The following THRB variants were observed in gnomAD, a reference collection of about 807,000 sequenced individuals.
The protein encoded by THRB is nuclear receptor subfamily 1 group A member 2.
A neutral mutation model predicts 47.8 loss-of-function variants in THRB; 12 were observed. The ratio of observed to expected loss-of-function variants is 0.25; its 90% CI spans 0.16 to 0.41. The LOEUF (loss-of-function observed/expected upper bound fraction) is 0.41. Ranked by LOEUF, THRB falls within the 10% of genes least tolerant of loss-of-function variation. The probability of loss-of-function intolerance (pLI) is 1.00; values close to 1 mark genes in which losing one functional copy is unlikely to be tolerated. For synonymous variants in THRB, 218 were observed against 212.2 expected (o/e 1.03, Z -0.24); for missense variants, 348 against 589.2 (o/e 0.59, Z 4.24).
intron 1 of THRB, among the ~76,000 whole-genome samples, chr3:24,467,067 A>G (rs1259707924): frequency 6.6e-6 from 1 of 152,230 alleles, no homozygotes; most frequent in South Asian, 2.1e-4. Context: ...AACTAAGTTT[A>G]TGGAATATTC....
At chr3:24,199,580 T>C (rs906721813) in intron 4 of THRB, among the ~76,000 whole-genome samples, 1 of 152,240 alleles carries the variant, frequency 6.6e-6, no homozygotes, top group African/African-American at 2.4e-5. Flanking sequence ...CTGGTTTTCC[T>C]GTATATTCCA....
chr3:24,165,532 C>T, intron 5 of THRB: 1 of 573,354 alleles, frequency 1.7e-6, no homozygotes, highest in Non-Finnish European at 3.1e-6. Flanking sequence ...GCCTGCTTTA[C>T]TTTGTAATAG....
chr3:24,227,632 A>G (rs1482347270), intron 4 of THRB, among the ~76,000 whole-genome samples: 1 of 152,142 alleles, frequency 6.6e-6, no homozygotes, highest in African/African-American at 2.4e-5. Flanking sequence ...GTTAAAGTTT[A>G]TGGTCATTGG....
At chr3:24,280,857 T>C (rs1189331214) in intron 3 of THRB, among the ~76,000 whole-genome samples, 1 of 151,856 alleles carries the variant, frequency 6.6e-6, no homozygotes, top group East Asian at 1.9e-4. Context: ...ATGAAATGAA[T>C]GAAATGAAGC....
intron 3 of THRB, among the ~76,000 whole-genome samples, chr3:24,237,051 A>G (rs2048944288): frequency 6.6e-6 from 1 of 152,218 alleles, no homozygotes; most frequent in Non-Finnish European, 1.5e-5. Context: ...AAATATGAAA[A>G]GCTAGCGTAG....
At chr3:24,365,282 C>A (rs1258463483) in intron 1 of THRB, among the ~76,000 whole-genome samples, 1 of 152,114 alleles carries the variant, frequency 6.6e-6, no homozygotes, top group Non-Finnish European at 1.5e-5. Flanking sequence ...TGTGCAGGAA[C>A]AGGCAGAGGG....
At chr3:24,177,866 A>ATGAT (rs972734085) in intron 5 of THRB, among the ~76,000 whole-genome samples, 1 of 152,232 alleles carries the variant, frequency 6.6e-6, no homozygotes, top group African/African-American at 2.4e-5. Flanking sequence ...GTAATGTAAT[A>ATGAT]TGATTGGATT....
chr3:24,230,181 T>C (rs1354512330), intron 3 of THRB, among the ~76,000 whole-genome samples: 2 of 152,208 alleles, frequency 1.3e-5, no homozygotes, highest in Non-Finnish European at 2.9e-5. Flanking sequence ...ATGCTCTGTC[T>C]CCACATCTAA....
chr3:24,242,377 A>G (rs1576246138), intron 3 of THRB, among the ~76,000 whole-genome samples: 1 of 152,218 alleles, frequency 6.6e-6, no homozygotes, highest in Admixed American at 6.5e-5. Context: ...CACGGCTCCA[A>G]GCATTTTTTT....
At chr3:24,233,433 G>A (rs1559682230) in intron 3 of THRB, among the ~76,000 whole-genome samples, 1 of 150,188 alleles carries the variant, frequency 6.7e-6, no homozygotes, top group Non-Finnish European at 1.5e-5. Flanking sequence ...GACCAGCCTG[G>A]TCAACATAGT....
intron 1 of THRB, chr3:24,430,956 C>G (rs34833017): frequency 0.13 from 20,476 of 151,938 alleles, 1,825 homozygotes; most frequent in Middle Eastern, 0.24. Flanking sequence ...ACTGTCTGAG[C>G]CAAAGGAATA....
chr3:24,158,442 G>A (rs1223605880), intron 5 of THRB, among the ~76,000 whole-genome samples: 2 of 143,820 alleles, frequency 1.4e-5, no homozygotes, highest in African/African-American at 2.6e-5. Flanking sequence ...TTGGGGGGAG[G>A]GTGGGGGACG....
intron 3 of THRB, among the ~76,000 whole-genome samples, chr3:24,268,630 A>G (rs967889480): frequency 6.6e-6 from 1 of 152,126 alleles, no homozygotes; most frequent in Non-Finnish European, 1.5e-5. Flanking sequence ...ATGTGATCCT[A>G]TATTTATAAA....
intron 2 of THRB, among the ~76,000 whole-genome samples, chr3:24,318,003 G>C (rs1417925335): frequency 2.0e-5 from 3 of 152,074 alleles, no homozygotes; most frequent in Non-Finnish European, 4.4e-5. Flanking sequence ...GGTCTGCAGT[G>C]AGCTATGATG....
chr3:24,322,022 C>A (rs2058519176), intron 2 of THRB, among the ~76,000 whole-genome samples: 1 of 151,320 alleles, frequency 6.6e-6, no homozygotes, highest in Non-Finnish European at 1.5e-5. Flanking sequence ...GGATTTGTGG[C>A]TTACTTTATA....
Position 24,122,914 on chromosome 3 carries a change from G to T in THRB, c.1356C>A (p.Pro452=), listed in dbSNP as rs373664380. The T allele has an allele frequency of 1.2e-6, 2 of 1,614,188 alleles. No homozygotes were observed. The highest frequency in any genetic ancestry group is 1.7e-6 in the Non-Finnish European group (2 of 1,180,042). Residue 452 remains proline, a synonymous_variant, in exon 11 of 11, where the codon CCC becomes CCA. Coordinates refer to ENST00000646209, the MANE Select transcript of THRB (RefSeq NM_001354712.2). ...MKVECPTELF[P]PLFLEVFED is the part of the protein sequence containing the mutation. The stretch of plus-strand genomic sequence containing the variant: ...CCTCGAACACTTCCAAGAACAAAGG[G>T]GGGAAGAGTTCTGTGGGGCATTCCA...
chr3:24,149,477 TC>T (rs2036590419), intron 6 of THRB, among the ~76,000 whole-genome samples: 1 of 152,132 alleles, frequency 6.6e-6, no homozygotes, highest in African/African-American at 2.4e-5. Context: ...CACCAGACAC[TC>T]CAAAAAGTCA....
At chr3:24,220,240 C>T (rs1362271796) in intron 4 of THRB, among the ~76,000 whole-genome samples, 2 of 152,182 alleles carry the variant, frequency 1.3e-5, no homozygotes, top group African/African-American at 4.8e-5. Context: ...CCTGTAATCC[C>T]AGCACTTTGG....
intron 1 of THRB, among the ~76,000 whole-genome samples, chr3:24,472,538 C>A (rs890957098): frequency 6.6e-6 from 1 of 151,914 alleles, no homozygotes; most frequent in Non-Finnish European, 1.5e-5. Context: ...TCTCCTCCTA[C>A]TCTCTCTGCC....
Sources: allele counts gnomAD v4.1 joint callset (sites outside exome capture counted in the v4.1 genomes callset), GRCh38; gene constraint gnomAD v4.1.1; transcripts MANE v1.5; gene names NCBI Gene and HGNC (gene_info 2026-07-23, HGNC 2026-07-21).